BCL2L13: variants seen among roughly 807,000 people sequenced by gnomAD.
The protein encoded by BCL2L13 is bcl-2-like protein 13.
BCL2L13 carries 13 observed loss-of-function variants against 25.8 expected under a neutral mutation model. That is an observed-to-expected ratio of 0.50 (90% CI 0.33 to 0.80). The LOEUF is 0.80. Among genes scored for constraint, BCL2L13 ranks in the 30% least tolerant of loss-of-function variants. The pLI is 0.02. For synonymous variants in BCL2L13, 244 were observed against 230.3 expected, an observed-to-expected ratio of 1.06 and a Z score of -0.54; for missense variants, 504 against 574.9, an observed-to-expected ratio of 0.88 and a Z score of 1.26.
chr22:17,646,510 A>G (rs2058477411), intron 1 of BCL2L13, among the ~76,000 whole-genome samples: 1 of 150,966 alleles, frequency 6.6e-6, no homozygotes, highest in Admixed American at 6.6e-5. Flanking sequence ...CACCCTCCCA[A>G]AGTGCTGGGA....
chr22:17,713,026 G>T (rs2060805871), intron 6 of BCL2L13, among the ~76,000 whole-genome samples: 2 of 152,234 alleles, frequency 1.3e-5, no homozygotes, highest in South Asian at 4.1e-4. Flanking sequence ...CAAGAATAAG[G>T]TTAAATCGAT....
In BCL2L13 at chr22:17,728,539, A is replaced by C. The variant is rs1051634919; in HGVS notation, c.*1005A>C. 6.6e-6 allele frequency: 1 copy of C among 152,172 alleles called. No individual in the cohort carries two copies. Among genetic ancestry groups the C allele is most frequent in the East Asian group, 1.9e-4 (1 of 5,192 alleles). 9.4% of individuals were successfully genotyped at this position (152,172 alleles called of 1,614,324 possible). A position where few individuals can be genotyped will look rare whatever the true frequency, so the allele number is the denominator to read the frequency against. ...CTCTATTGCTGGATGGTCCCTGTCT[A>C]TAACCTTGGGCTAGTATATTTTTTC... On this transcript the variant is annotated 3_prime_UTR_variant, in exon 7 of 7. Transcript: ENST00000317582.
intron 1 of BCL2L13, among the ~76,000 whole-genome samples, chr22:17,633,217 C>T (rs1279429351): frequency 6.6e-6 from 1 of 152,104 alleles, no homozygotes; most frequent in Non-Finnish European, 1.5e-5. Context: ...GTTACTATCC[C>T]CTTTTGCAGC....
intron 6 of BCL2L13, among the ~76,000 whole-genome samples, chr22:17,704,804 A>C (rs147887173): frequency 3.0e-5 from 4 of 135,552 alleles, no homozygotes; most frequent in Non-Finnish European, 6.5e-5. Flanking sequence ...GTGTAGATCC[A>C]TTTGTCTATT....
intron 6 of BCL2L13, among the ~76,000 whole-genome samples, chr22:17,720,941 T>C (rs908144330): frequency 6.6e-6 from 1 of 151,268 alleles, no homozygotes; most frequent in Admixed American, 6.6e-5. Flanking sequence ...CCGAGGCGGG[T>C]GGATCACGAG....
At chr22:17,690,270 G>A (rs1195388985) in intron 4 of BCL2L13, among the ~76,000 whole-genome samples, 1 of 152,044 alleles carries the variant, frequency 6.6e-6, no homozygotes, top group African/African-American at 2.4e-5. Flanking sequence ...AGGTTGCAGT[G>A]AGCTGAGATC....
At chr22:17,654,511 C>T (rs914019012) in intron 1 of BCL2L13, among the ~76,000 whole-genome samples, 14 of 151,996 alleles carry the variant, frequency 9.2e-5, no homozygotes, top group Non-Finnish European at 1.9e-4. Context: ...TAAACTCCGC[C>T]TTCCGGGTTT....
chr22:17,725,301 CT>C (rs2061265142), intron 6 of BCL2L13, among the ~76,000 whole-genome samples: 1 of 152,224 alleles, frequency 6.6e-6, no homozygotes, highest in South Asian at 2.1e-4. Context: ...CCTGTCCTCA[CT>C]GACCTTCTAT....
rs2040052098 is a variant in BCL2L13, at chr22:17,729,641, G to A, written c.*2107G>A. On this transcript the variant is annotated 3_prime_UTR_variant, in exon 7 of 7. Coordinates refer to ENST00000317582, the MANE Select transcript of BCL2L13 (RefSeq NM_015367.4). ...AGGAGGTGTGAGGCTTAGGAAATTG[G>A]AGCCTGTGTTGCCCACGAAAGGAAA... 6.6e-6 allele frequency: 1 copy of A among 152,220 alleles called. No individual in the cohort carries two copies. The highest frequency in any genetic ancestry group is 2.4e-5 in the African/African-American group (1 of 41,444). The allele number at this position is 152,220 out of a possible 1,614,324, so 9.4% of individuals were successfully genotyped here.
chr22:17,630,114 A>T (rs1050897535), intron 1 of BCL2L13, among the ~76,000 whole-genome samples: 1 of 150,614 alleles, frequency 6.6e-6, no homozygotes, highest in African/African-American at 2.4e-5. Context: ...GCCACTGGAG[A>T]GGCTGAGGCA....
At chr22:17,638,576 C>T (rs2058152021), upstream of BCL2L13, 1 of 864,524 alleles carries the variant, frequency 1.2e-6, no homozygotes, top group African/African-American at 1.7e-5. Context: ...ACGGAACTTC[C>T]GAACGTCGCA....
chr22:17,718,102 G>A (rs1334814257), intron 6 of BCL2L13, among the ~76,000 whole-genome samples: 1 of 139,436 alleles, frequency 7.2e-6, no homozygotes, highest in Non-Finnish European at 1.5e-5. Flanking sequence ...GAAGAGAAGA[G>A]AAAAGAAAAG....
chr22:17,659,104 G>A lies in BCL2L13; in HGVS notation c.121+3272G>A, dbSNP rs200541172. Among the ~76,000 whole-genome samples the A allele has an allele frequency of 2.4e-4, 31 of 127,150 alleles. No homozygotes were observed. In the East Asian group the frequency reaches 4.6e-3, roughly 19 times the overall value. The allele number at this position is 127,150 out of a possible 152,430, so 83.4% of individuals were successfully genotyped here. A position where few individuals can be genotyped will look rare whatever the true frequency, so the allele number is the denominator to read the frequency against. On this transcript the variant is annotated intron_variant, in intron 2 of 6. Coordinates refer to ENST00000317582, the MANE Select transcript of BCL2L13 (RefSeq NM_015367.4). The stretch of plus-strand genomic sequence containing the variant: ...AAAAAGGCCAGGCACGGTGGCTCAC[G>A]CCTGTAATCCCAGCACTTTGGAAGG...
rs1317773180 is a variant in BCL2L13, at chr22:17,729,784, G to T, written c.*2250G>T. The T allele has an allele frequency of 6.6e-6, 1 of 152,252 alleles. No individual in the cohort carries two copies. The highest frequency in any genetic ancestry group is 1.5e-5 in the Non-Finnish European group (1 of 68,052). The allele number at this position is 152,252 out of a possible 1,614,324, so 9.4% of individuals were successfully genotyped here. ...TTTCACGGTAATGGAACTAGATAGT[G>T]TTTTCCATTGGCTTTCTCTGGTAGC... On this transcript the variant is annotated 3_prime_UTR_variant, in exon 7 of 7. Transcript: ENST00000317582.
chr22:17,697,433 C>T (rs185077268), intron 5 of BCL2L13, among the ~76,000 whole-genome samples: 127 of 151,786 alleles, frequency 8.4e-4, no homozygotes, highest in Non-Finnish European at 1.4e-3. Context: ...AGTGAAACTC[C>T]GTCTCAAAAA....
chr22:17,653,116 C>G (rs2058740419), intron 1 of BCL2L13, among the ~76,000 whole-genome samples: 1 of 152,074 alleles, frequency 6.6e-6, no homozygotes, highest in African/African-American at 2.4e-5. Flanking sequence ...AGTTCAGTTT[C>G]TACTGAATGC....
intron 1 of BCL2L13, among the ~76,000 whole-genome samples, chr22:17,654,916 G>GT (rs1568933194): frequency 6.6e-6 from 1 of 152,114 alleles, no homozygotes; most frequent in Non-Finnish European, 1.5e-5. Context: ...TAGAGATGGA[G>GT]TCTTGCTATA....
intron 2 of BCL2L13, among the ~76,000 whole-genome samples, chr22:17,682,648 T>A (rs2059790186): frequency 6.6e-6 from 1 of 152,236 alleles, no homozygotes; most frequent in Non-Finnish European, 1.5e-5. Context: ...TTTCTGAAGA[T>A]TCAGCTCAAT....
At chr22:17,684,031 A>G (rs2059835148) in intron 3 of BCL2L13, among the ~76,000 whole-genome samples, 1 of 152,048 alleles carries the variant, frequency 6.6e-6, no homozygotes, top group Admixed American at 6.6e-5. Flanking sequence ...TCACTGGACG[A>G]CGACTACACA....
Sources: gnomAD v4.1 joint callset for allele counts (sites outside exome capture counted in the v4.1 genomes callset) on GRCh38, gnomAD v4.1.1 for gene constraint, MANE v1.5 for transcripts, NCBI Gene and HGNC (gene_info 2026-07-23, HGNC 2026-07-21) for gene names.